NINL: variants seen among roughly 807,000 people sequenced by gnomAD.
NINL encodes ninein like.
Under a neutral mutation model 160.3 loss-of-function variants are expected in NINL, and 153 were observed. The ratio of observed to expected loss-of-function variants is 0.95; its 90% confidence interval spans 0.84 to 1.09. The LOEUF (loss-of-function observed/expected upper bound fraction) is 1.09, where lower values mean the gene tolerates loss of function less well. Among genes scored for constraint, NINL ranks in the 50% least tolerant of loss-of-function variants. The pLI is 0.00. For synonymous variants in NINL, 800 were observed against 734.8 expected, an observed-to-expected ratio of 1.09 and a Z score of -1.43; for missense variants, 1,829 against 1,764.0, an observed-to-expected ratio of 1.04 and a Z score of -0.66.
intron 1 of NINL, among the ~76,000 whole-genome samples, chr20:25,534,637 C>G (rs1342385906): frequency 6.6e-6 from 1 of 152,170 alleles, no homozygotes; most frequent in Non-Finnish European, 1.5e-5. Context: ...GTATTGTAAT[C>G]TTATGAGACC....
chr20:25,505,666 G>C (rs183339248), intron 5 of NINL, among the ~76,000 whole-genome samples: 6 of 152,170 alleles, frequency 3.9e-5, no homozygotes, highest in Non-Finnish European at 7.3e-5. Context: ...GAAGCATTTC[G>C]GGGAAGCACA....
intron 17 of NINL, 119 bp downstream of exon 17, chr20:25,475,924 G>C (rs1378389726): frequency 9.4e-6 from 10 of 1,059,018 alleles, no homozygotes; most frequent in East Asian, 7.3e-5. Flanking sequence ...GCCCCCATCA[G>C]GGGCTGCGAG....
chr20:25,509,261 C>T (rs758094854), intron 5 of NINL, among the ~76,000 whole-genome samples: 7 of 152,244 alleles, frequency 4.6e-5, no homozygotes, highest in South Asian at 2.1e-4. Context: ...GCAACCCCTC[C>T]GAGACTGTCC....
rs188141671 is a variant in NINL, at chr20:25,501,378, G to A, written c.862-368C>T. ...TTCACAAAGGCGGGAGCCTGGCCTC[G>A]CAGAGGCAGGGGCCCATAGAGTCCA... On this transcript the variant is annotated intron_variant, in intron 7 of 23. Coordinates refer to ENST00000278886, the MANE Select transcript of NINL (RefSeq NM_025176.6). 7.9e-5 allele frequency among the ~76,000 whole-genome samples: 12 copies of A among 152,314 alleles called. No homozygotes were observed. In the East Asian group the frequency reaches 1.9e-3, roughly 24 times the overall value.
intron 21 of NINL, among the ~76,000 whole-genome samples, chr20:25,460,349 G>A (rs75104165): frequency 0.012 from 1,855 of 152,258 alleles, 32 homozygotes; most frequent in African/African-American, 0.04. Context: ...TCTAAATCAC[G>A]AGGAAGAAGG....
At chr20:25,529,353 A>G (rs146222579) in intron 1 of NINL, among the ~76,000 whole-genome samples, 2 of 152,344 alleles carry the variant, frequency 1.3e-5, no homozygotes, top group East Asian at 3.9e-4. Context: ...CTTTTAATTA[A>G]ACACCTGTTG....
chr20:25,479,220 C>A lies in NINL; in HGVS notation c.1918-14G>T. ...GTAGTAATTTACCTAAAACGAGAAA[C>A]ATGAGCCCCGTGGACCAGGAGACCC... is the stretch of plus-strand genomic sequence containing the variant. On this transcript the variant is annotated splice_polypyrimidine_tract_variant and intron_variant, in intron 15 of 23. Transcript: ENST00000278886. The A allele has an allele frequency of 1.9e-6, 3 of 1,591,064 alleles. No homozygotes were observed. Among genetic ancestry groups the A allele is most frequent in the Non-Finnish European group, 2.6e-6 (3 of 1,166,178 alleles).
chr20:25,521,441 TG>T (rs1262822802), intron 2 of NINL, among the ~76,000 whole-genome samples: 4 of 152,258 alleles, frequency 2.6e-5, no homozygotes, highest in Non-Finnish European at 5.9e-5. Context: ...CATTGTCAGT[TG>T]TTTCTGCTAG....
intron 17 of NINL, among the ~76,000 whole-genome samples, chr20:25,474,746 C>T (rs2063188935): frequency 6.6e-6 from 1 of 151,646 alleles, no homozygotes; most frequent in Admixed American, 6.6e-5. Context: ...TCCCAAGTAG[C>T]TGGGACTACA....
chr20:25,455,679 C>T lies in NINL; in HGVS notation c.3951G>A (p.Lys1317=). The change falls in exon 23 of 24, where the codon AAG becomes AAA. Residue 1317 remains lysine (K), a synonymous_variant. Coordinates refer to ENST00000278886, the MANE Select transcript of NINL (RefSeq NM_025176.6). ...MLLQEKVDKL[K]EQFEKNTKSD... ...AGCAGCGCCCATCACTCACCTGCTCCTTCAGCTTATCCACTTTCTCTTGGA... is the reference window on the plus strand; with the variant it reads ...AGCAGCGCCCATCACTCACCTGCTCTTTCAGCTTATCCACTTTCTCTTGGA... 1 of 1,613,090 alleles carries T rather than the reference C, an allele frequency of 6.2e-7. No homozygotes were observed. Among genetic ancestry groups the T allele is most frequent in the South Asian group, 1.1e-5 (1 of 91,056 alleles).
In NINL at chr20:25,483,085, A is replaced by G. The variant is rs868092823; in HGVS notation, c.1678-985T>C. Among the ~76,000 whole-genome samples the G allele has an allele frequency of 1.9e-4, 28 of 151,318 alleles. 4 individuals carry two copies. The highest frequency in any genetic ancestry group is 5.9e-4 in the African/African-American group (24 of 40,634). The stretch of plus-strand genomic sequence containing the variant: ...TGTGGTGGCTCATGCCTGTAATCCC[A>G]GCACTTTGGGAGGCTGAGGTGGGCA... On this transcript the variant is annotated intron_variant, in intron 13 of 23. Transcript: ENST00000278886.
At chr20:25,513,594 C>T (rs867581941) in intron 3 of NINL, among the ~76,000 whole-genome samples, 10 of 152,228 alleles carry the variant, frequency 6.6e-5, no homozygotes, top group African/African-American at 1.4e-4. Flanking sequence ...TATAGTTTGA[C>T]TTTGTGTCCC....
At chr20:25,501,217 C>A (rs1109100) in intron 7 of NINL, among the ~76,000 whole-genome samples, 15,077 of 152,262 alleles carry the variant, frequency 0.099, 1,271 homozygotes, top group African/African-American at 0.23. Flanking sequence ...GTAAGAAAGT[C>A]GGGACATGCA....
In NINL at chr20:25,455,750, G is replaced by A. The variant is rs759311453; in HGVS notation, c.3880C>T (p.Arg1294Trp). ...AGAATCATCTCCGCCTCTTCCACCC[G>A]CTCTTCTGTGGCTTTCAGCTGTTTC... Reference protein sequence around the residue: ...HEKQLKATEERVEEAEMILKN... With the variant: ...HEKQLKATEEWVEEAEMILKN... The change falls in exon 23 of 24, where the codon CGG becomes TGG. Residue 1294 changes from arginine to tryptophan, a missense_variant. By Grantham distance (101) the Arg-to-Trp change is moderately radical (BLOSUM62 -3). Coordinates refer to ENST00000278886, the MANE Select transcript of NINL (RefSeq NM_025176.6). 6 of 1,614,080 alleles carry A rather than the reference G, an allele frequency of 3.7e-6. No individual in the cohort carries two copies. Among genetic ancestry groups the A allele is most frequent in the Admixed American group, 3.3e-5 (2 of 60,012 alleles).
Position 25,523,789 on chromosome 20 carries a change from C to T in NINL, c.180+2619G>A, listed in dbSNP as rs552721935. On this transcript the variant is annotated intron_variant, in intron 2 of 23. Transcript: ENST00000278886. Reference sequence around the variant, plus strand: ...TCCTGAGTAGCTGGGATTACAGGTGCGTGCCACCACGCCGGCTAATTTTGT... The same window carrying T: ...TCCTGAGTAGCTGGGATTACAGGTGTGTGCCACCACGCCGGCTAATTTTGT... Among the ~76,000 whole-genome samples the T allele has an allele frequency of 1.3e-3, 187 of 145,290 alleles. 1 individual carries two copies. The highest frequency in any genetic ancestry group is 1.8e-3 in the East Asian group (9 of 5,092).
At chr20:25,561,007 C>T (rs991157107) in intron 1 of NINL, among the ~76,000 whole-genome samples, 2 of 150,222 alleles carry the variant, frequency 1.3e-5, no homozygotes, top group Admixed American at 6.6e-5. Context: ...CTCTCCCTCT[C>T]TTTCCACGGT....
intron 1 of NINL, among the ~76,000 whole-genome samples, chr20:25,536,377 C>T (rs1196298618): frequency 6.6e-6 from 1 of 152,148 alleles, no homozygotes; most frequent in African/African-American, 2.4e-5. Context: ...TTTGACAAGG[C>T]TGATGGAGCA....
chr20:25,500,857 C>T lies in NINL; in HGVS notation c.1015G>A (p.Gly339Ser). 6.2e-7 allele frequency: 1 copy of T among 1,613,964 alleles called. No individual in the cohort carries two copies. Among genetic ancestry groups the T allele is most frequent in the South Asian group, 1.1e-5 (1 of 91,020 alleles). The change falls in exon 8 of 24, where the codon GGC (glycine) becomes AGC (serine). Residue 339 changes from glycine to serine, a missense_variant. Physicochemically the swap from Gly to Ser is moderately conservative, Grantham distance 56. Coordinates refer to ENST00000278886, the MANE Select transcript of NINL (RefSeq NM_025176.6). ...TTCCAAACCTGCAAGATCTCCCTGC[C>T]ATTCTGAATCCCCTCCTGGGTCCAC... ...AMWTQEGIQNGREILQSLDFS... is the reference protein window; with the variant it reads ...AMWTQEGIQNSREILQSLDFS...
At chr20:25,518,604 T>C (rs1198569446) in intron 2 of NINL, among the ~76,000 whole-genome samples, 2 of 152,250 alleles carry the variant, frequency 1.3e-5, no homozygotes, top group Admixed American at 6.5e-5. Context: ...ATAGTAACAG[T>C]TGGATTTTGT....
Sources: gnomAD v4.1 joint callset for allele counts (sites outside exome capture counted in the v4.1 genomes callset) on GRCh38, gnomAD v4.1.1 for gene constraint, MANE v1.5 for transcripts, NCBI Gene and HGNC (gene_info 2026-07-23, HGNC 2026-07-21) for gene names.